The following RDX variants were observed in gnomAD, a reference collection of about 807,000 sequenced individuals.
RDX encodes the protein radixin, also known as deafness, autosomal recessive 24.
A neutral mutation model predicts 83.7 loss-of-function variants in RDX; 32 were observed. The observed-to-expected ratio is 0.38, with a 90% CI of 0.29 to 0.51. RDX has a LOEUF of 0.51. Among genes scored for constraint, RDX ranks in the 20% least tolerant of loss-of-function variants. The probability of loss-of-function intolerance (pLI) is 0.87; values close to 1 mark genes in which losing one functional copy is unlikely to be tolerated. For synonymous variants in RDX, 229 were observed against 222.7 expected, an observed-to-expected ratio of 1.03 and a Z score of -0.25; for missense variants, 600 against 689.9, an observed-to-expected ratio of 0.87 and a Z score of 1.46.
rs372961319 is a variant in RDX at position 110,178,951 on chromosome 11, C to T, written c.*32-3717G>A. Reference sequence around the variant, plus strand: ...TCCCTGCCACCAGCCCTGCTGATTTCGTTACACCAAGCAACTAAAGACATT... The same window carrying T: ...TCCCTGCCACCAGCCCTGCTGATTTTGTTACACCAAGCAACTAAAGACATT... On this transcript the variant is annotated intron_variant, in intron 15 of 15. Transcript: ENST00000528498. 6.2e-4 allele frequency among the ~76,000 whole-genome samples: 94 copies of T among 152,310 alleles called. 1 individual carries two copies. The highest frequency in any genetic ancestry group is 2.2e-3 in the African/African-American group (93 of 41,574).
At chr11:110,268,890 T>C (rs192824687) in intron 3 of RDX, among the ~76,000 whole-genome samples, 7 of 151,726 alleles carry the variant, frequency 4.6e-5, no homozygotes, top group African/African-American at 1.7e-4. Context: ...GGTATATTTA[T>C]TTACAAGTTA....
chr11:110,295,900 A>C (rs1861436115), intron 1 of RDX, among the ~76,000 whole-genome samples: 1 of 152,156 alleles, frequency 6.6e-6, no homozygotes, highest in Non-Finnish European at 1.5e-5. Flanking sequence ...TGGCGCCCCA[A>C]AGCCTGTCAT....
At chr11:110,252,832 C>T (rs1276144575) in intron 9 of RDX, among the ~76,000 whole-genome samples, 1 of 151,940 alleles carries the variant, frequency 6.6e-6, no homozygotes, top group Non-Finnish European at 1.5e-5. Flanking sequence ...TGCATGTTGC[C>T]TGTTGCCCTG....
Position 110,289,194 on chromosome 11 carries a change from C to T in RDX, c.-65+7273G>A, listed in dbSNP as rs756392493. ...CCGAGGTTGTGGTGAGCCAAGATCGCGCCATTGCACTCCAGCCTCGGCAAC... is the reference window on the plus strand; with the variant it reads ...CCGAGGTTGTGGTGAGCCAAGATCGTGCCATTGCACTCCAGCCTCGGCAAC... On this transcript the variant is annotated intron_variant, in intron 1 of 13. Transcript: ENST00000645495. 7.2e-4 allele frequency among the ~76,000 whole-genome samples: 106 copies of T among 148,044 alleles called. 1 individual carries two copies. Among genetic ancestry groups the T allele is most frequent in the Admixed American group, 3.2e-3 (47 of 14,638 alleles).
intron 1 of RDX, among the ~76,000 whole-genome samples, chr11:110,289,775 C>T (rs936210847): frequency 2.0e-5 from 3 of 151,478 alleles, no homozygotes; most frequent in Admixed American, 6.6e-5. Flanking sequence ...AAATTAGTCC[C>T]GTCTCTACTA....
intron 15 of RDX, among the ~76,000 whole-genome samples, chr11:110,199,174 G>A (rs559836638): frequency 1.3e-5 from 2 of 152,236 alleles, no homozygotes; most frequent in East Asian, 3.9e-4. Context: ...TGTCATAAGA[G>A]AACTTGCACC....
chr11:110,211,122 G>C (rs1368385153), intron 14 of RDX, among the ~76,000 whole-genome samples: 1 of 152,066 alleles, frequency 6.6e-6, no homozygotes, highest in East Asian at 1.9e-4. Context: ...ACACACATAG[G>C]CTCAAAATAA....
intron 3 of RDX, among the ~76,000 whole-genome samples, chr11:110,267,464 G>A (rs1164972198): frequency 1.3e-5 from 2 of 151,662 alleles, no homozygotes; most frequent in African/African-American, 2.4e-5. Flanking sequence ...AGTGAGCCGA[G>A]TTCGCGCCAC....
intron 1 of RDX, among the ~76,000 whole-genome samples, chr11:110,285,712 CAAAAAA>C (rs35030078): frequency 2.6e-5 from 2 of 78,406 alleles, no homozygotes; most frequent in African/African-American, 5.1e-5. Context: ...GACTTTGTCT[CAAAAAA>C]AAAAAAAAAA....
chr11:110,247,960 G>C, intron 9 of RDX, 127 bp from the exon 10 acceptor site: 1 of 1,062,472 alleles, frequency 9.4e-7, no homozygotes, highest in Non-Finnish European at 1.4e-6. Flanking sequence ...GAAGCTGGAG[G>C]CCATGATTCT....
chr11:110,240,605 C>T (rs1249139802), intron 10 of RDX, among the ~76,000 whole-genome samples: 1 of 151,290 alleles, frequency 6.6e-6, no homozygotes, highest in Non-Finnish European at 1.5e-5. Flanking sequence ...ATTAGCCGGG[C>T]GTGGTAGCGG....
chr11:110,295,179 T>C (rs1861395424), intron 1 of RDX, among the ~76,000 whole-genome samples: 1 of 152,156 alleles, frequency 6.6e-6, no homozygotes, highest in African/African-American at 2.4e-5. Flanking sequence ...TCCTGAATAT[T>C]AGTCTCCTTT....
intron 10 of RDX, 157 bp from the exon 11 acceptor site, chr11:110,237,809 G>T (rs1249094977): frequency 2.4e-6 from 2 of 847,062 alleles, no homozygotes; most frequent in Admixed American, 1.9e-5. Flanking sequence ...TTGAGACAGG[G>T]TCTCGCTCTG....
At chr11:110,268,390 G>A (rs1032489151) in intron 3 of RDX, among the ~76,000 whole-genome samples, 1 of 151,146 alleles carries the variant, frequency 6.6e-6, no homozygotes, top group Non-Finnish European at 1.5e-5. Flanking sequence ...TAATGCAAAA[G>A]CTGATCAATG....
chr11:110,266,737 T>C (rs1263780985), intron 3 of RDX, among the ~76,000 whole-genome samples: 1 of 150,948 alleles, frequency 6.6e-6, no homozygotes, highest in East Asian at 1.9e-4. Flanking sequence ...CTAGTTAATG[T>C]TTTTTTTTGT....
chr11:110,179,277 G>A (rs1289106009), intron 15 of RDX, among the ~76,000 whole-genome samples: 7 of 152,174 alleles, frequency 4.6e-5, no homozygotes, highest in Non-Finnish European at 7.4e-5. Flanking sequence ...GTGGAATCCT[G>A]GGCCTGAGCC....
At chr11:110,252,232 T>G (rs1373471192) in intron 9 of RDX, among the ~76,000 whole-genome samples, 3 of 152,194 alleles carry the variant, frequency 2.0e-5, no homozygotes, top group African/African-American at 7.2e-5. Context: ...CCAGGAGAAC[T>G]ACGGATTATT....
At chr11:110,200,433 A>C (rs1269111863) in intron 14 of RDX, 2 of 152,274 alleles carry the variant, frequency 1.3e-5, no homozygotes, top group African/African-American at 2.4e-5. Flanking sequence ...AGAAACTGCT[A>C]AACTGGCCAA....
At chr11:110,232,106 G>A in intron 13 of RDX, 73 bp from the exon 14 acceptor site, 1 of 1,220,084 alleles carries the variant, frequency 8.2e-7, no homozygotes, top group Admixed American at 1.8e-5. Context: ...ATGGCTTTAA[G>A]ATGCAAAAAT....
Sources: gnomAD v4.1 joint callset for allele counts (sites outside exome capture counted in the v4.1 genomes callset) on GRCh38, gnomAD v4.1.1 for gene constraint, MANE v1.5 for transcripts, NCBI Gene and HGNC (gene_info 2026-07-23, HGNC 2026-07-21) for gene names.